Variants in KIAA0513 observed in about 807,000 individuals in gnomAD.
KIAA0513 encodes the protein uncharacterized protein KIAA0513.
KIAA0513 carries 39 observed loss-of-function variants against 56.5 expected under a neutral mutation model. That is an observed-to-expected ratio of 0.69 (90% CI 0.53 to 0.90). KIAA0513 has a LOEUF of 0.90. Among genes scored for constraint, KIAA0513 ranks in the 40% least tolerant of loss-of-function variants. KIAA0513 has a pLI of 0.00. For synonymous variants in KIAA0513, 268 were observed against 215.6 expected, an observed-to-expected ratio of 1.24 and a Z score of -2.13; for missense variants, 591 against 535.2, an observed-to-expected ratio of 1.10 and a Z score of -1.03.
At chr16:85,052,492 C>A (rs898064963) in intron 1 of KIAA0513, among the ~76,000 whole-genome samples, 5 of 152,186 alleles carry the variant, frequency 3.3e-5, no homozygotes, top group Non-Finnish European at 5.9e-5. Context: ...CCAGCCTGGG[C>A]AACAAGAGCA....
chr16:85,075,516 C>T (rs1376747999), intron 4 of KIAA0513, among the ~76,000 whole-genome samples: 3 of 152,112 alleles, frequency 2.0e-5, no homozygotes, highest in Non-Finnish European at 2.9e-5. Context: ...GCCTGAGCCA[C>T]GGGTTTTCAC....
At chr16:85,028,911 A>C (rs757332947) in intron 1 of KIAA0513, among the ~76,000 whole-genome samples, 41 of 152,284 alleles carry the variant, frequency 2.7e-4, no homozygotes, top group Non-Finnish European at 5.7e-4. Context: ...CTGCGACTCG[A>C]TGTTGATGTT....
chr16:85,043,253 C>G (rs1323557269), intron 1 of KIAA0513, among the ~76,000 whole-genome samples: 4 of 152,132 alleles, frequency 2.6e-5, no homozygotes, highest in South Asian at 2.1e-4. Flanking sequence ...AAGCACGAAC[C>G]TGGAAAACAA....
chr16:85,069,429 C>CTGCTCCAT (rs2073539763), intron 2 of KIAA0513, among the ~76,000 whole-genome samples: 1 of 152,000 alleles, frequency 6.6e-6, no homozygotes, highest in Admixed American at 6.6e-5. Context: ...GATGGCCGTT[C>CTGCTCCAT]TTTTGTGGTT....
intron 2 of KIAA0513, among the ~76,000 whole-genome samples, chr16:85,070,313 A>C (rs1369309462): frequency 6.6e-6 from 1 of 152,056 alleles, no homozygotes; most frequent in South Asian, 2.1e-4. Context: ...TTTGATGGAG[A>C]CCAGCCTCAG....
chr16:85,048,773 A>G (rs1257022275), intron 1 of KIAA0513, among the ~76,000 whole-genome samples: 1 of 152,168 alleles, frequency 6.6e-6, no homozygotes, highest in Non-Finnish European at 1.5e-5. Context: ...TAATAATACT[A>G]ATCAAATATT....
intron 1 of KIAA0513, among the ~76,000 whole-genome samples, chr16:85,062,102 C>G (rs570307619): frequency 2.8e-4 from 43 of 152,246 alleles, no homozygotes; most frequent in Admixed American, 5.2e-4. Flanking sequence ...CCTCTCAGGA[C>G]CATCACCTTC....
chr16:85,080,662 C>T (rs1250714890), intron 8 of KIAA0513, among the ~76,000 whole-genome samples: 6 of 152,030 alleles, frequency 3.9e-5, no homozygotes, highest in African/African-American at 1.4e-4. Context: ...GGTGTGGTGG[C>T]GCATGCCTAT....
chr16:85,068,304 G>T (rs571138740), intron 2 of KIAA0513, among the ~76,000 whole-genome samples: 7 of 149,012 alleles, frequency 4.7e-5, no homozygotes, highest in African/African-American at 1.7e-4. Context: ...TTACAGGTGT[G>T]CACCACCACG....
chr16:85,059,106 T>G (rs973896550), intron 1 of KIAA0513, among the ~76,000 whole-genome samples: 2 of 152,238 alleles, frequency 1.3e-5, no homozygotes, highest in Admixed American at 1.3e-4. Context: ...CATGGACTGT[T>G]GGACCAACTA....
intron 1 of KIAA0513, among the ~76,000 whole-genome samples, chr16:85,040,947 A>T (rs1405946340): frequency 6.6e-6 from 1 of 152,238 alleles, no homozygotes; most frequent in Non-Finnish European, 1.5e-5. Context: ...GCAAGTAAAC[A>T]TCTGCCAACT....
chr16:85,044,518 T>A (rs1026067863), intron 1 of KIAA0513, among the ~76,000 whole-genome samples: 33 of 151,730 alleles, frequency 2.2e-4, no homozygotes, highest in African/African-American at 5.3e-4. Context: ...TTATTTTTTT[T>A]TTTTTTTGAG....
intron 1 of KIAA0513, among the ~76,000 whole-genome samples, chr16:85,031,372 T>C (rs1280813445): frequency 6.6e-6 from 1 of 152,074 alleles, no homozygotes; most frequent in African/African-American, 2.4e-5. Context: ...TAATCCCAGC[T>C]ACTAGGGAGG....
At chr16:85,037,023 G>A (rs2073045042) in intron 1 of KIAA0513, among the ~76,000 whole-genome samples, 1 of 152,090 alleles carries the variant, frequency 6.6e-6, no homozygotes, top group African/African-American at 2.4e-5. Context: ...AGCACTGTAG[G>A]AATAATTTCT....
chr16:85,030,762 A>T (rs568097547), intron 1 of KIAA0513, among the ~76,000 whole-genome samples: 1 of 151,880 alleles, frequency 6.6e-6, no homozygotes, highest in South Asian at 2.1e-4. Context: ...AAAAAAAGAC[A>T]AAAATAAAGG....
intron 1 of KIAA0513, among the ~76,000 whole-genome samples, chr16:85,050,832 A>C (rs938001784): frequency 1.3e-5 from 2 of 152,184 alleles, no homozygotes; most frequent in African/African-American, 4.8e-5. Context: ...AGCACTTAGC[A>C]CAGAGCCTGC....
chr16:85,048,616 C>G (rs1272660226), intron 1 of KIAA0513, among the ~76,000 whole-genome samples: 1 of 152,136 alleles, frequency 6.6e-6, no homozygotes, highest in African/African-American at 2.4e-5. Context: ...TGGTGGCTCA[C>G]CCCTGTAATC....
At chr16:85,035,490 G>T (rs1220781980) in intron 1 of KIAA0513, among the ~76,000 whole-genome samples, 1 of 152,024 alleles carries the variant, frequency 6.6e-6, no homozygotes, top group Non-Finnish European at 1.5e-5. Context: ...TTTGTTTTTT[G>T]TTTGTTTGTT....
intron 1 of KIAA0513, among the ~76,000 whole-genome samples, chr16:85,032,550 C>G (rs1394066273): frequency 6.6e-6 from 1 of 152,102 alleles, no homozygotes; most frequent in Admixed American, 6.6e-5. Flanking sequence ...CCAGGCTGGT[C>G]TCAAGTTCCT....
Sources: gnomAD v4.1 joint callset for allele counts (sites outside exome capture counted in the v4.1 genomes callset) on GRCh38, gnomAD v4.1.1 for gene constraint, MANE v1.5 for transcripts, NCBI Gene and HGNC (gene_info 2026-07-23, HGNC 2026-07-21) for gene names.